AR: variants seen among roughly 807,000 people sequenced by gnomAD.
The protein encoded by AR is dihydrotestosterone receptor.
AR carries 8 observed loss-of-function variants against 53.9 expected under a neutral mutation model. The ratio of observed to expected loss-of-function variants is 0.15; its 90% CI spans 0.09 to 0.27. The LOEUF is 0.27. Ranked by LOEUF, AR falls within the 10% of genes least tolerant of loss-of-function variation. The pLI, the probability that AR is intolerant of heterozygous loss-of-function variation, is 1.00. For synonymous variants in AR, 359 were observed against 316.4 expected, an observed-to-expected ratio of 1.13 and a Z score of -1.43; for missense variants, 639 against 742.5, an observed-to-expected ratio of 0.86 and a Z score of 1.62.
intron 1 of AR, among the ~76,000 whole-genome samples, chrX:67,558,573 A>T (rs899738952): frequency 2.7e-5 from 3 of 111,543 alleles, no homozygotes; most frequent in African/African-American, 9.8e-5. Context: ...ATCCTCACCA[A>T]ATAGGTGGGT....
At chrX:67,617,874 G>T (rs948768608) in intron 1 of AR, among the ~76,000 whole-genome samples, 1 of 111,680 alleles carries the variant, frequency 9.0e-6, no homozygotes, top group African/African-American at 3.3e-5. Context: ...ACAAAGAAAA[G>T]CAGGCTCCGT....
At chrX:67,630,155 T>C (rs1239403150) in intron 1 of AR, among the ~76,000 whole-genome samples, 59 of 111,135 alleles carry the variant, frequency 5.3e-4, no homozygotes, top group African/African-American at 1.5e-3. Flanking sequence ...CTATTAGGTC[T>C]GCTTGGTGCA....
intron 1 of AR, among the ~76,000 whole-genome samples, chrX:67,632,297 T>C (rs1349003314): frequency 8.8e-6 from 1 of 113,187 alleles, no homozygotes; most frequent in Non-Finnish European, 1.9e-5. Context: ...CAAGACTCCA[T>C]GGGCGTAGGA....
chrX:67,626,041 G>A (rs1029429774), intron 1 of AR, among the ~76,000 whole-genome samples: 3 of 111,442 alleles, frequency 2.7e-5, no homozygotes, highest in African/African-American at 9.8e-5. Context: ...GAAGTATCCA[G>A]TACCTCAAGC....
chrX:67,593,089 A>G (rs886993009), intron 1 of AR, among the ~76,000 whole-genome samples: 13 of 111,937 alleles, frequency 1.2e-4, no homozygotes, highest in African/African-American at 2.9e-4. Flanking sequence ...CAAATTCCCA[A>G]TGTTTCATCA....
At chrX:67,584,835 G>C (rs780408748) in intron 1 of AR, among the ~76,000 whole-genome samples, 2 of 112,120 alleles carry the variant, frequency 1.8e-5, no homozygotes, top group Non-Finnish European at 3.8e-5. Context: ...TCCTTCTTTG[G>C]TTTGGGGTTA....
intron 2 of AR, among the ~76,000 whole-genome samples, chrX:67,682,479 C>T (rs951992724): frequency 1.8e-5 from 2 of 109,066 alleles, no homozygotes; most frequent in Admixed American, 9.9e-5. Context: ...TTTATAGAGA[C>T]GGAGTCTCAC....
chrX:67,652,982 C>T (rs923923709), intron 2 of AR, among the ~76,000 whole-genome samples: 1 of 111,448 alleles, frequency 9.0e-6, no homozygotes, highest in African/African-American at 3.3e-5. Flanking sequence ...TTACAGAATA[C>T]CAGTCTTGTC....
At chrX:67,649,081 G>A (rs982613043) in intron 2 of AR, among the ~76,000 whole-genome samples, 3 of 111,141 alleles carry the variant, frequency 2.7e-5, no homozygotes, top group Non-Finnish European at 5.7e-5. Context: ...GTGTCCATGT[G>A]TTCTCATTGT....
chrX:67,608,696 CAT>C (rs1923742666), intron 1 of AR, among the ~76,000 whole-genome samples: 1 of 111,633 alleles, frequency 9.0e-6, no homozygotes, highest in South Asian at 3.7e-4. Flanking sequence ...ACAAGTAAAA[CAT>C]ATCACTAGTT....
chrX:67,660,422 G>T (rs546193347), intron 2 of AR, among the ~76,000 whole-genome samples: 28 of 111,642 alleles, frequency 2.5e-4, no homozygotes, highest in South Asian at 3.8e-4. Flanking sequence ...AGTTTCAGCT[G>T]TCTACATATG....
chrX:67,624,904 CAAAAAAAAAAAAAAAAAAA>C (rs140323582), intron 1 of AR, among the ~76,000 whole-genome samples: 10 of 18,181 alleles, frequency 5.5e-4, no homozygotes, highest in African/African-American at 3.5e-3. Context: ...GGCAATTAGG[CAAAAAAAAAAAAAAAAAAA>C]AAAAAAAAAA....
intron 1 of AR, among the ~76,000 whole-genome samples, chrX:67,576,563 G>T (rs1979027475): frequency 9.0e-6 from 1 of 111,244 alleles, no homozygotes; most frequent in Non-Finnish European, 1.9e-5. Context: ...GCACAGAAAG[G>T]AAGAAAGACA....
intron 1 of AR, among the ~76,000 whole-genome samples, chrX:67,548,848 A>C (rs910139714): frequency 1.8e-5 from 2 of 111,530 alleles, no homozygotes; most frequent in Non-Finnish European, 3.8e-5. Flanking sequence ...GACATAAACT[A>C]ATGAGAATTT....
chrX:67,628,941 A>T (rs1356524198), intron 1 of AR, among the ~76,000 whole-genome samples: 8 of 111,376 alleles, frequency 7.2e-5, no homozygotes, highest in South Asian at 3.8e-4. Context: ...GATTACATTT[A>T]TTGATTTGCG....
At chrX:67,709,134 G>C (rs1000656821) in intron 3 of AR, among the ~76,000 whole-genome samples, 4 of 111,898 alleles carry the variant, frequency 3.6e-5, no homozygotes, top group African/African-American at 1.3e-4. Flanking sequence ...ATCTCCAGCT[G>C]TGTGCTGGGA....
At chrX:67,666,073 A>G (rs1186715282) in intron 2 of AR, among the ~76,000 whole-genome samples, 1 of 111,266 alleles carries the variant, frequency 9.0e-6, no homozygotes, top group Non-Finnish European at 1.9e-5. Flanking sequence ...AAACAATCCA[A>G]TTATATTCTT....
At chrX:67,695,927 A>C (rs756109707) in intron 3 of AR, 1 of 751,547 alleles carries the variant, frequency 1.3e-6, no homozygotes, top group East Asian at 1.5e-4. Flanking sequence ...CCCCCTTCTC[A>C]GGGCAGAATT....
chrX:67,676,621 C>A (rs1054476778), intron 2 of AR, among the ~76,000 whole-genome samples: 1 of 111,424 alleles, frequency 9.0e-6, no homozygotes, highest in African/African-American at 3.3e-5. Flanking sequence ...AAAAGTAAAA[C>A]TTGCTCCAGG....
Sources: allele counts gnomAD v4.1 joint callset (sites outside exome capture counted in the v4.1 genomes callset), GRCh38; gene constraint gnomAD v4.1.1; transcripts MANE v1.5; gene names NCBI Gene and HGNC (gene_info 2026-07-23, HGNC 2026-07-21).